Variants in TRAF3IP1 observed in about 807,000 individuals in gnomAD.
TRAF3IP1 encodes intraflagellar transport 54.
Under a neutral mutation model 89.9 loss-of-function variants are expected in TRAF3IP1, and 53 were observed. That is an observed-to-expected ratio of 0.59 (90% CI 0.47 to 0.74). The LOEUF is 0.74. TRAF3IP1 is among the 30% of genes least tolerant of loss of function. The probability of loss-of-function intolerance (pLI) is 0.00; values close to 1 mark genes in which losing one functional copy is unlikely to be tolerated. For synonymous variants in TRAF3IP1, 311 were observed against 322.1 expected, an observed-to-expected ratio of 0.97 and a Z score of 0.37; for missense variants, 806 against 866.1, an observed-to-expected ratio of 0.93 and a Z score of 0.87.
rs753737155 is a variant in TRAF3IP1, at chr2:238,348,845, T to A, written c.1364T>A (p.Ile455Asn). Reference protein sequence around the residue: ...PEIPNELSSNIRRIPRPGSAR... With the variant: ...PEIPNELSSNNRRIPRPGSAR... The stretch of plus-strand genomic sequence containing the variant: ...ATTCCTAATGAGCTTTCATCCAACA[T>A]CAGGTCTGTGTGCTTTGAATCCCTT... The change falls in exon 11 of 17, where the codon ATC becomes AAC. Residue 455 changes from isoleucine to asparagine, a missense_variant. By Grantham distance (149) the Ile-to-Asn change is moderately radical. Coordinates refer to ENST00000373327, the MANE Select transcript of TRAF3IP1 (RefSeq NM_015650.4). 7 of 1,614,002 alleles carry A rather than the reference T, an allele frequency of 4.3e-6. No individual in the cohort carries two copies. The Admixed American group carries it at 6.7e-5, about 15-fold the overall frequency.
chr2:238,372,901 C>T (rs1006527550), intron 15 of TRAF3IP1, among the ~76,000 whole-genome samples: 23 of 152,188 alleles, frequency 1.5e-4, no homozygotes, highest in Non-Finnish European at 2.4e-4. Context: ...AGCATTTTTT[C>T]ACGTGTCTGT....
chr2:238,390,503 C>T (rs1300734861), intron 15 of TRAF3IP1, among the ~76,000 whole-genome samples: 1 of 152,144 alleles, frequency 6.6e-6, no homozygotes, highest in Non-Finnish European at 1.5e-5. Context: ...TCACTGTGCG[C>T]TAAAGTATTC....
chr2:238,380,251 C>T (rs149407735), intron 15 of TRAF3IP1, among the ~76,000 whole-genome samples: 164 of 152,268 alleles, frequency 1.1e-3, no homozygotes, highest in Admixed American at 3.7e-3. Flanking sequence ...TGGATCCCTA[C>T]GGTGCCTTCC....
chr2:238,338,751 G>A (rs761141631), intron 8 of TRAF3IP1, among the ~76,000 whole-genome samples: 1 of 152,234 alleles, frequency 6.6e-6, no homozygotes, highest in African/African-American at 2.4e-5. Context: ...TCTCACAGTG[G>A]TGTGGCTGAT....
Position 238,398,859 on chromosome 2 carries a change from CAA to C in TRAF3IP1, c.2017_2018del (p.Lys673GlufsTer2). The C allele has an allele frequency of 6.2e-7, 1 of 1,613,146 alleles. No individual in the cohort carries two copies. The highest frequency in any genetic ancestry group is 8.5e-7 in the Non-Finnish European group (1 of 1,179,690). ...TCTGTGCTGTGAAGGCCAACATCCT[CAA>C]GAATGAAGAAAAAATCCAGAAAATG... is the stretch of plus-strand genomic sequence containing the variant. ...KICAVKANILKNEEKIQKMVY... is the reference protein window; with the variant it reads ...KICAVKANILXNEEKIQKMVY... On this transcript the variant is annotated frameshift_variant, in exon 17 of 17. Transcript: ENST00000373327. LOFTEE classifies it high-confidence loss of function.
At chr2:238,343,646 CT>C (rs34626636) in intron 8 of TRAF3IP1, among the ~76,000 whole-genome samples, 59,765 of 113,410 alleles carry the variant, frequency 0.53, 16,271 homozygotes, top group Middle Eastern at 0.66. Context: ...TGTGCTTGGC[CT>C]TTTTTTTTTT....
At chr2:238,326,850 C>A (rs927770415) in intron 3 of TRAF3IP1, among the ~76,000 whole-genome samples, 1 of 152,142 alleles carries the variant, frequency 6.6e-6, no homozygotes. Flanking sequence ...GAGGCCCCCC[C>A]AGTGCAGGTC....
chr2:238,320,618 G>C lies in TRAF3IP1; in HGVS notation c.-45G>C. 1 of 1,241,148 alleles carries C rather than the reference G, an allele frequency of 8.1e-7. No individual in the cohort carries two copies. The highest frequency in any genetic ancestry group is 1.0e-6 in the Non-Finnish European group (1 of 975,664). The allele number at this position is 1,241,148 out of a possible 1,614,324, so 76.9% of individuals were successfully genotyped here. A position where few individuals can be genotyped will look rare whatever the true frequency, so the allele number is the denominator to read the frequency against. On this transcript the variant is annotated 5_prime_UTR_variant, in exon 1 of 17. Coordinates refer to ENST00000373327, the MANE Select transcript of TRAF3IP1 (RefSeq NM_015650.4). Reference sequence around the variant, plus strand: ...AGGGACCCGGGCTTAGGCTCGGCCAGGCCGGCTGAGGGGCGCGGGCGGCCA... The same window carrying C: ...AGGGACCCGGGCTTAGGCTCGGCCACGCCGGCTGAGGGGCGCGGGCGGCCA...
chr2:238,351,867 G>GTC lies in TRAF3IP1; in HGVS notation c.1452-960_1452-959insTC, dbSNP rs1699181303. 9.5e-6 allele frequency among the ~76,000 whole-genome samples: 1 copy of GTC among 104,982 alleles called. No individual in the cohort carries two copies. Among genetic ancestry groups the GTC allele is most frequent in the South Asian group, 2.8e-4 (1 of 3,532 alleles). 68.9% of individuals were successfully genotyped at this position (104,982 alleles called of 152,430 possible). A position where few individuals can be genotyped will look rare whatever the true frequency, so the allele number is the denominator to read the frequency against. The stretch of plus-strand genomic sequence containing the variant: ...TGTGTGTGTGTGTGTGTGTGTGTGT[G>GTC]CGCGCGCGCGCGTGTGCGTGCATGT... On this transcript the variant is annotated intron_variant, in intron 12 of 16. Coordinates refer to ENST00000373327, the MANE Select transcript of TRAF3IP1 (RefSeq NM_015650.4). This position sits in a 1 kb window ranked among gnomAD's most constrained non-coding sequence, Gnocchi z 5.2.
At chr2:238,325,675 T>C in intron 2 of TRAF3IP1, 134 bp from the exon 3 acceptor site, 2 of 902,834 alleles carry the variant, frequency 2.2e-6, no homozygotes, top group Non-Finnish European at 3.3e-6. Flanking sequence ...AGGTCAGTAT[T>C]TCTAGATTTG....
intron 12 of TRAF3IP1, 127 bp from the exon 13 acceptor site, chr2:238,352,700 G>C (rs959699455): frequency 2.2e-6 from 2 of 925,242 alleles, no homozygotes; most frequent in African/African-American, 1.7e-5. Flanking sequence ...CGGGTAGCTT[G>C]AGATGCTGTT....
intron 15 of TRAF3IP1, among the ~76,000 whole-genome samples, chr2:238,370,363 T>C (rs915047683): frequency 2.6e-5 from 4 of 152,224 alleles, no homozygotes; most frequent in African/African-American, 9.6e-5. Context: ...AGTGTATACA[T>C]GTATACGTGT....
intron 1 of TRAF3IP1, among the ~76,000 whole-genome samples, chr2:238,323,410 G>A (rs961992649): frequency 2.0e-5 from 3 of 152,126 alleles, no homozygotes; most frequent in South Asian, 4.1e-4. Context: ...CCAGCATCCT[G>A]GGAAAACCTC....
rs1230824764 is a variant in TRAF3IP1, at chr2:238,379,657, C to T, written c.1690-17802C>T. 2.6e-5 allele frequency among the ~76,000 whole-genome samples: 4 copies of T among 152,186 alleles called. No individual in the cohort carries two copies. Among genetic ancestry groups the T allele is most frequent in the South Asian group, 4.1e-4 (2 of 4,832 alleles). ...TGCTGCAGGTTTAGACGGTGGTTTC[C>T]TCCCCCGCTCACATGCCAGCCATTC... On this transcript the variant is annotated intron_variant, in intron 15 of 16. Coordinates refer to ENST00000373327, the MANE Select transcript of TRAF3IP1 (RefSeq NM_015650.4). The surrounding 1 kb of genome is among the most constrained non-coding windows in gnomAD (Gnocchi z 4.0).
rs996212669 is a variant in TRAF3IP1, at chr2:238,376,922, G to A, written c.1690-20537G>A. On this transcript the variant is annotated intron_variant, in intron 15 of 16. Transcript: ENST00000373327. Reference sequence around the variant, plus strand: ...AATAACATAGGTCATAGTGAGACTCGGGCACTGTTGTTACCCATTTTGAAA... The same window carrying A: ...AATAACATAGGTCATAGTGAGACTCAGGCACTGTTGTTACCCATTTTGAAA... Among the ~76,000 whole-genome samples the A allele has an allele frequency of 4.6e-5, 7 of 152,190 alleles. No homozygotes were observed. In the East Asian group the frequency reaches 7.7e-4, roughly 17 times the overall value.
At chr2:238,370,359 T>G (rs1399279920) in intron 15 of TRAF3IP1, among the ~76,000 whole-genome samples, 1 of 152,218 alleles carries the variant, frequency 6.6e-6, no homozygotes, top group Non-Finnish European at 1.5e-5. Context: ...TCTGAGTGTA[T>G]ACATGTATAC....
intron 15 of TRAF3IP1, among the ~76,000 whole-genome samples, chr2:238,391,575 C>T (rs924913022): frequency 6.6e-5 from 10 of 152,298 alleles, no homozygotes; most frequent in African/African-American, 2.4e-4. Flanking sequence ...TAAAACCTGT[C>T]CTGACTATCA....
chr2:238,380,736 A>C (rs747080323), intron 15 of TRAF3IP1, among the ~76,000 whole-genome samples: 1 of 152,194 alleles, frequency 6.6e-6, no homozygotes, highest in Admixed American at 6.5e-5. Context: ...TGCCTGCATC[A>C]CACCTTTTTG....
chr2:238,325,145 T>G (rs1289935612), intron 1 of TRAF3IP1, among the ~76,000 whole-genome samples, 161 bp from the exon 2 acceptor site: 1 of 152,226 alleles, frequency 6.6e-6, no homozygotes, highest in African/African-American at 2.4e-5. Context: ...GCTTCTGCCC[T>G]GCACAGCACG....
Sources: allele counts gnomAD v4.1 joint callset (sites outside exome capture counted in the v4.1 genomes callset), GRCh38; gene constraint gnomAD v4.1.1; non-coding constraint Gnocchi (gnomAD v3.1); transcripts MANE v1.5; gene names NCBI Gene and HGNC (gene_info 2026-07-23, HGNC 2026-07-21).